Variants in PTPN14 observed in about 807,000 individuals in gnomAD.
The protein encoded by PTPN14 is tyrosine-protein phosphatase non-receptor type 14.
A neutral mutation model predicts 126.8 loss-of-function variants in PTPN14; 53 were observed. The observed-to-expected ratio is 0.42, with a 90% CI of 0.34 to 0.53. The LOEUF (loss-of-function observed/expected upper bound fraction) is 0.53. Ranked by LOEUF, PTPN14 falls within the 20% of genes least tolerant of loss-of-function variation. The pLI is 0.08. For missense variants in PTPN14, 1,257 were observed against 1,552.9 expected (o/e 0.81, Z 3.20); for synonymous variants, 630 against 599.3 (o/e 1.05, Z -0.75).
At chr1:214,363,120 G>C (rs1657994594) in intron 18 of PTPN14, among the ~76,000 whole-genome samples, 1 of 152,232 alleles carries the variant, frequency 6.6e-6, no homozygotes, top group Admixed American at 6.5e-5. Flanking sequence ...TAAAAACTCA[G>C]AGGGCAATGA....
chr1:214,394,362 G>A (rs960150567), intron 9 of PTPN14, among the ~76,000 whole-genome samples: 1 of 152,186 alleles, frequency 6.6e-6, no homozygotes, highest in Non-Finnish European at 1.5e-5. Flanking sequence ...AGGGACCAGA[G>A]TCCTAGAGTC....
At chr1:214,497,967 A>T (rs1168168984) in intron 1 of PTPN14, among the ~76,000 whole-genome samples, 2 of 152,188 alleles carry the variant, frequency 1.3e-5, no homozygotes, top group African/African-American at 4.8e-5. Context: ...AATGATGGCC[A>T]TGAGTACTCA....
chr1:214,523,602 AT>A (rs1301757567), intron 1 of PTPN14, among the ~76,000 whole-genome samples: 4 of 152,188 alleles, frequency 2.6e-5, no homozygotes, highest in Non-Finnish European at 4.4e-5. Context: ...TAATAAGTCA[AT>A]TCTCAGAACA....
At chr1:214,509,853 C>A (rs113065898) in intron 1 of PTPN14, among the ~76,000 whole-genome samples, 6,806 of 152,212 alleles carry the variant, frequency 0.045, 533 homozygotes, top group African/African-American at 0.16. Flanking sequence ...ATGGATGAAG[C>A]TGGAAACTAT....
chr1:214,471,226 C>G (rs1214637546), intron 1 of PTPN14, among the ~76,000 whole-genome samples: 1 of 151,810 alleles, frequency 6.6e-6, no homozygotes, highest in East Asian at 1.9e-4. Context: ...CAACTGGAAA[C>G]CGAAAACTAA....
In PTPN14 at chr1:214,507,499, T is replaced by C. The variant is rs531020600; in HGVS notation, c.-154-42542A>G. ...GTATAGCTCATCCTAGAAGAACACT[T>C]TCAAGACATATATAGAACACCTTTT... is the stretch of plus-strand genomic sequence containing the variant. On this transcript the variant is annotated intron_variant, in intron 1 of 18. Coordinates refer to ENST00000366956, the MANE Select transcript of PTPN14 (RefSeq NM_005401.5). Among the ~76,000 whole-genome samples the C allele has an allele frequency of 1.4e-3, 216 of 152,302 alleles. 1 individual carries two copies. The highest frequency in any genetic ancestry group is 3.1e-3 in the Admixed American group (47 of 15,296).
At chr1:214,375,528 T>C (rs1340163243) in intron 15 of PTPN14, among the ~76,000 whole-genome samples, 1 of 152,238 alleles carries the variant, frequency 6.6e-6, no homozygotes, top group East Asian at 1.9e-4. Flanking sequence ...GGTAAGCTAT[T>C]TAAGAAACAT....
chr1:214,550,477 T>C (rs1004023950), intron 1 of PTPN14, among the ~76,000 whole-genome samples: 6 of 152,140 alleles, frequency 3.9e-5, no homozygotes, highest in Admixed American at 1.3e-4. Context: ...CACTGCTCTC[T>C]CCAAACGAAA....
rs2102499044 is a variant in PTPN14, at chr1:214,356,945, T to C, written c.*977A>G. 6.6e-6 allele frequency: 1 copy of C among 152,302 alleles called. No individual in the cohort carries two copies. 9.4% of individuals were successfully genotyped at this position (152,302 alleles called of 1,614,324 possible). A position where few individuals can be genotyped will look rare whatever the true frequency, so the allele number is the denominator to read the frequency against. On this transcript the variant is annotated 3_prime_UTR_variant, in exon 19 of 19. Transcript: ENST00000366956. ...CACATCTTATTTAAATAAAAAACAA[T>C]GATCATCAAGGCCCTGCCTGAAAAA...
chr1:214,521,630 G>A (rs1394951772), intron 1 of PTPN14, among the ~76,000 whole-genome samples: 4 of 152,068 alleles, frequency 2.6e-5, no homozygotes, highest in African/African-American at 7.2e-5. Context: ...CAGGAGAACC[G>A]CCTGAACCAG....
Position 214,386,891 on chromosome 1 carries a change from A to C in PTPN14, c.1019T>G (p.Val340Gly), listed in dbSNP as rs1658630033. 6.2e-7 allele frequency: 1 copy of C among 1,609,132 alleles called. No individual in the cohort carries two copies. The highest frequency in any genetic ancestry group is 1.3e-5 in the African/African-American group (1 of 74,828). The change falls in exon 12 of 19, where the codon GTT (valine) becomes GGT (glycine). Residue 340 changes from valine to glycine, a missense_variant. Physicochemically the swap from Val to Gly is moderately radical, Grantham distance 109. Transcript: ENST00000366956. ...GTAGTGCTCACCACACTGGACGTGA[A>C]CGGGAGGCAGGATGTACGGCTGCTG... ...PRQQPYILPP[V>G]HVQCGEHYSE...
chr1:214,452,090 A>G, intron 2 of PTPN14, 116 bp from the exon 3 acceptor site: 1 of 1,109,756 alleles, frequency 9.0e-7, no homozygotes, highest in Non-Finnish European at 1.3e-6. Flanking sequence ...GCCCATATAT[A>G]AGATCCAGCT....
At chr1:214,370,018 C>A (rs1044718977) in intron 16 of PTPN14, among the ~76,000 whole-genome samples, 1 of 152,232 alleles carries the variant, frequency 6.6e-6, no homozygotes, top group Non-Finnish European at 1.5e-5. Context: ...TGGCGGCTCA[C>A]GCCTGTAATC....
At chr1:214,446,734 G>A (rs1235079642) in intron 3 of PTPN14, among the ~76,000 whole-genome samples, 8 of 146,016 alleles carry the variant, frequency 5.5e-5, no homozygotes, top group Admixed American at 3.3e-4. Flanking sequence ...CATATACACA[G>A]CAAAAAAAAA....
At position 214,368,031 on chromosome 1, in the gene PTPN14, G is replaced by A. The variant is rs73074023; in HGVS notation, c.3271+1426C>T. ...CACAGAAATTAATGAATTAGCCATT[G>A]AGCAAATTTCAGTTTCAAAAACTAC... On this transcript the variant is annotated intron_variant, in intron 17 of 18. Coordinates refer to ENST00000366956, the MANE Select transcript of PTPN14 (RefSeq NM_005401.5). Among the ~76,000 whole-genome samples the A allele has an allele frequency of 7.7e-3, 1,165 of 152,216 alleles. 21 individuals carry two copies. The highest frequency in any genetic ancestry group is 0.026 in the African/African-American group (1,076 of 41,532).
intron 1 of PTPN14, among the ~76,000 whole-genome samples, chr1:214,472,190 A>T (rs4655353): frequency 0.37 from 56,731 of 152,022 alleles, 10,789 homozygotes; most frequent in East Asian, 0.53. Context: ...AATCCCCGAT[A>T]TCAGAGGTGT....
chr1:214,397,884 A>G lies in PTPN14; in HGVS notation c.758+29T>C, dbSNP rs764440871. 29 of 1,540,842 alleles carry G rather than the reference A, an allele frequency of 1.9e-5. No individual in the cohort carries two copies. In the Admixed American group the frequency reaches 2.9e-4, roughly 16 times the overall value. On this transcript the variant is annotated intron_variant, in intron 8 of 18. Coordinates refer to ENST00000366956, the MANE Select transcript of PTPN14 (RefSeq NM_005401.5). Reference sequence around the variant, plus strand: ...ATTACAGTTCCTCAAGGTAAAAAAGAAAAAAGAAAAACAAACAAATAAGAC... The same window carrying G: ...ATTACAGTTCCTCAAGGTAAAAAAGGAAAAAGAAAAACAAACAAATAAGAC...
chr1:214,403,347 G>T (rs983437932), intron 5 of PTPN14, among the ~76,000 whole-genome samples: 1 of 152,190 alleles, frequency 6.6e-6, no homozygotes, highest in Admixed American at 6.5e-5. Context: ...CCCTTCAAAA[G>T]TTGAGCCTAG....
At chr1:214,529,133 T>C (rs1375495661) in intron 1 of PTPN14, 1 of 151,976 alleles carries the variant, frequency 6.6e-6, no homozygotes, top group Non-Finnish European at 1.5e-5. Context: ...AAGATCTTCA[T>C]CTCTACCAAA....
Sources: allele counts gnomAD v4.1 joint callset (sites outside exome capture counted in the v4.1 genomes callset), GRCh38; gene constraint gnomAD v4.1.1; transcripts MANE v1.5; gene names NCBI Gene and HGNC (gene_info 2026-07-23, HGNC 2026-07-21).